The following LSG1 variants were observed in gnomAD, a reference collection of about 807,000 sequenced individuals.
The protein encoded by LSG1 is large 60S subunit nuclear export GTPase 1.
LSG1 carries 55 observed loss-of-function variants against 82.6 expected under a neutral mutation model. The observed-to-expected ratio is 0.67, with a 90% CI of 0.54 to 0.83. The LOEUF (loss-of-function observed/expected upper bound fraction) is 0.83. Among genes scored for constraint, LSG1 ranks in the 40% least tolerant of loss-of-function variants. LSG1 has a pLI of 0.00. For synonymous variants in LSG1, 272 were observed against 282.5 expected (o/e 0.96, Z 0.37); for missense variants, 809 against 807.9 (o/e 1.00, Z -0.02).
At chr3:194,643,748 G>A (rs1026115125) in intron 13 of LSG1, among the ~76,000 whole-genome samples, 1 of 152,146 alleles carries the variant, frequency 6.6e-6, no homozygotes, top group African/African-American at 2.4e-5. Flanking sequence ...CTGTACACAA[G>A]TGTTCATTAC....
chr3:194,655,400 T>C (rs1718770988), intron 7 of LSG1, among the ~76,000 whole-genome samples: 1 of 152,134 alleles, frequency 6.6e-6, no homozygotes, highest in Non-Finnish European at 1.5e-5. Context: ...TAATGATAAG[T>C]ATCTATTTTA....
intron 4 of LSG1, 79 bp from the exon 5 acceptor site, chr3:194,665,722 T>A (rs1719018082): frequency 1.3e-6 from 1 of 763,988 alleles, no homozygotes. Flanking sequence ...TCAAATTTAT[T>A]ACATTAAAAA....
At chr3:194,645,242 T>C (rs1718494665) in intron 12 of LSG1, 1 of 152,338 alleles carries the variant, frequency 6.6e-6, no homozygotes, top group African/African-American at 2.4e-5. Context: ...TCCTCCACAG[T>C]AAGTGGTAAA....
chr3:194,666,062 T>TC, intron 4 of LSG1, 141 bp downstream of exon 4: 1 of 712,686 alleles, frequency 1.4e-6, no homozygotes, highest in Non-Finnish European at 2.4e-6. Flanking sequence ...TGTGCATACA[T>TC]CTATTTGCAC....
Position 194,651,204 on chromosome 3 carries a change from T to C in LSG1, c.1186A>G (p.Asn396Asp). 1.2e-6 allele frequency: 2 copies of C among 1,613,570 alleles called. No homozygotes were observed. The highest frequency in any genetic ancestry group is 2.7e-5 in the African/African-American group (2 of 75,024). The change falls in exon 9 of 14, where the codon AAT becomes GAT. Residue 396 changes from asparagine (N) to aspartate (D), a missense_variant. Asn to Asp is a conservative substitution (Grantham distance 23, BLOSUM62 1). Transcript: ENST00000265245. ...QLTVGLVGYP[N>D]VGKSSTINTI... ...TTGATTGTTGAACTCTTACCAACAT[T>C]AGGGTAGCCCACCTAGAAGAGACTC...
Position 194,667,294 on chromosome 3 carries a change from G to A in LSG1, c.227-722C>T, listed in dbSNP as rs545919830. 7.5e-4 allele frequency among the ~76,000 whole-genome samples: 114 copies of A among 152,038 alleles called. 1 individual carries two copies. The highest frequency in any genetic ancestry group is 2.6e-3 in the African/African-American group (108 of 41,492). ...TCGAACTACTGACCTCAGGTGATCC[G>A]CCCGCCTCGGCCTCCCAAAGTGCTG... On this transcript the variant is annotated intron_variant, in intron 2 of 13. Transcript: ENST00000265245.
At chr3:194,658,272 C>T (rs978507221) in intron 7 of LSG1, among the ~76,000 whole-genome samples, 1 of 151,982 alleles carries the variant, frequency 6.6e-6, no homozygotes, top group Non-Finnish European at 1.5e-5. Flanking sequence ...CTCAGCCTCC[C>T]GAGTAGCTGG....
intron 8 of LSG1, chr3:194,651,633 G>C (rs1202286898): frequency 6.4e-6 from 1 of 157,162 alleles, no homozygotes; most frequent in East Asian, 1.9e-4. Flanking sequence ...TTTAGTTAAA[G>C]CCAAGTGGAA....
intron 5 of LSG1, among the ~76,000 whole-genome samples, chr3:194,661,849 A>C (rs1718937658): frequency 3.3e-5 from 5 of 152,214 alleles, no homozygotes; most frequent in Admixed American, 3.3e-4. Context: ...CAAAAATAAG[A>C]GAGCAAATAA....
chr3:194,644,612 C>T lies in LSG1; in HGVS notation c.1758G>A (p.Lys586=). The change falls in exon 13 of 14, where the codon AAG becomes AAA. Residue 586 remains lysine (K), a synonymous_variant. Transcript: ENST00000265245. The stretch of plus-strand genomic sequence containing the variant: ...TTTTGTCAACGATATTTTCAATCTG[C>T]TTTGCTTTTTTATTTCTGCCTAGCT... The part of the protein sequence containing the change: ...KMQLGRNKKA[K]QIENIVDKTF... 3 of 1,612,280 alleles carry T rather than the reference C, an allele frequency of 1.9e-6. No individual in the cohort carries two copies. The highest frequency in any genetic ancestry group is 2.5e-6 in the Non-Finnish European group (3 of 1,179,312).
intron 2 of LSG1, 123 bp downstream of exon 2, chr3:194,669,886 A>G: frequency 6.2e-6 from 7 of 1,122,514 alleles, no homozygotes; most frequent in Non-Finnish European, 8.8e-6. Flanking sequence ...AGCTGATATC[A>G]CGCCACTGCA....
chr3:194,648,546 C>A, intron 11 of LSG1, 135 bp downstream of exon 11: 2 of 1,088,560 alleles, frequency 1.8e-6, no homozygotes, highest in Non-Finnish European at 1.3e-6. Context: ...CGAAAGATGG[C>A]TTGAAAAATG....
chr3:194,659,151 A>G lies in LSG1; in HGVS notation c.583-18T>C. 6.3e-7 allele frequency: 1 copy of G among 1,590,654 alleles called. No individual in the cohort carries two copies. ...TAACATTCCTAAGCAAGACAAAGAG[A>G]TTTAGAAAGACCTCTTCAAACAAGT... On this transcript the variant is annotated intron_variant, in intron 6 of 13. Coordinates refer to ENST00000265245, the MANE Select transcript of LSG1 (RefSeq NM_018385.3).
At chr3:194,645,571 GACAGACAC>G (rs1314899271) in intron 12 of LSG1, among the ~76,000 whole-genome samples, 2,166 of 41,288 alleles carry the variant, frequency 0.052, 357 homozygotes, top group East Asian at 0.084. Flanking sequence ...CACACACACA[GACAGACAC>G]ACACACACAC....
chr3:194,651,099 A>G lies in LSG1; in HGVS notation c.1275+16T>C, dbSNP rs367844104. On this transcript the variant is annotated intron_variant, in intron 9 of 13. Coordinates refer to ENST00000265245, the MANE Select transcript of LSG1 (RefSeq NM_018385.3). ...AGAAAGAGCTGCATGCAAGTGGCAA[A>G]GCACCACAGAAATACCTGAAAGTGC... 2.6e-4 allele frequency: 424 copies of G among 1,613,940 alleles called. No individual in the cohort carries two copies. The highest frequency in any genetic ancestry group is 3.5e-4 in the Non-Finnish European group (408 of 1,179,892).
chr3:194,652,852 T>A lies in LSG1; in HGVS notation c.1050A>T (p.Lys350Asn), dbSNP rs146083865. 120 of 1,614,032 alleles carry A rather than the reference T, an allele frequency of 7.4e-5. No homozygotes were observed. The highest frequency in any genetic ancestry group is 9.2e-5 in the Non-Finnish European group (109 of 1,180,044). Residue 350 changes from lysine (K) to asparagine (N), a missense_variant, in exon 8 of 14, where the codon AAA becomes AAT. Transcript: ENST00000265245. Reference sequence around the variant, plus strand: ...TGTGTATCTGCCTCTTCTGTGGGGTTTTCCTGCTCCGAGCCTCAGAATCTG... The same window carrying A: ...TGTGTATCTGCCTCTTCTGTGGGGTATTCCTGCTCCGAGCCTCAGAATCTG... ...STADSEARSRKTPQKRQIHNF... is the reference protein window; with the variant it reads ...STADSEARSRNTPQKRQIHNF...
At chr3:194,642,469 C>A (rs1001511651) in intron 13 of LSG1, among the ~76,000 whole-genome samples, 1 of 151,294 alleles carries the variant, frequency 6.6e-6, no homozygotes, top group Admixed American at 6.6e-5. Context: ...TAGTCCCATA[C>A]TTTCAAATGC....
chr3:194,644,386 ATAAAT>A (rs538731584), intron 13 of LSG1, among the ~76,000 whole-genome samples, 182 bp downstream of exon 13: 8,796 of 94,424 alleles, frequency 0.093, 740 homozygotes, highest in South Asian at 0.21. Flanking sequence ...AAAAATAAAA[ATAAAT>A]AAATAAATAA....
At position 194,659,079 on chromosome 3, in the gene LSG1, T is replaced by C. The variant is rs772721753; in HGVS notation, c.637A>G (p.Lys213Glu). 5 of 1,614,176 alleles carry C rather than the reference T, an allele frequency of 3.1e-6. No individual in the cohort carries two copies. The South Asian group carries it at 3.3e-5, about 11-fold the overall frequency. Residue 213 changes from lysine to glutamate, a missense_variant, in exon 7 of 14, where the codon AAG becomes GAG. Transcript: ENST00000265245. ...TGCTCAGCAGTCAGCAAGTCTGCCTTGTTGATCAGAATGACGTTCTCCTTA... is the reference window on the plus strand; with the variant it reads ...TGCTCAGCAGTCAGCAAGTCTGCCTCGTTGATCAGAATGACGTTCTCCTTA... Reference protein sequence around the residue: ...ANKENVILINKADLLTAEQRS... With the variant: ...ANKENVILINEADLLTAEQRS...
Sources: allele counts gnomAD v4.1 joint callset (sites outside exome capture counted in the v4.1 genomes callset), GRCh38; gene constraint gnomAD v4.1.1; transcripts MANE v1.5; gene names NCBI Gene and HGNC (gene_info 2026-07-23, HGNC 2026-07-21).